TUSC3: variants seen among roughly 807,000 people sequenced by gnomAD.
TUSC3 encodes the protein tumor suppressor candidate 3.
A neutral mutation model predicts 44.8 loss-of-function variants in TUSC3; 45 were observed. That is an observed-to-expected ratio of 1.00 (90% CI 0.79 to 1.29). TUSC3 has a LOEUF of 1.29. TUSC3 is among the 50% of genes most tolerant of loss of function. The pLI is 0.00. For synonymous variants in TUSC3, 212 were observed against 152.9 expected, an observed-to-expected ratio of 1.39 and a Z score of -2.85; for missense variants, 519 against 437.9, an observed-to-expected ratio of 1.19 and a Z score of -1.65.
At chr8:15,783,640 A>G in the TUSC3 span, among the ~76,000 whole-genome samples, 4 of 152,202 alleles carry the variant, frequency 2.6e-5, no homozygotes, top group Admixed American at 2.0e-4. Flanking sequence ...CAATCTTTTT[A>G]ATAAATGGTG....
chr8:15,656,123 A>G (rs1807152249), intron 3 of TUSC3, among the ~76,000 whole-genome samples: 3 of 152,072 alleles, frequency 2.0e-5, no homozygotes, highest in Admixed American at 2.0e-4. Context: ...CATTCAAACA[A>G]TGAGTAAAAA....
At chr8:15,757,748 A>T (rs1457537433) in intron 9 of TUSC3, 43 bp from the exon 10 acceptor site, 1 of 1,473,038 alleles carries the variant, frequency 6.8e-7, no homozygotes, top group Non-Finnish European at 9.5e-7. Context: ...CTTAAGGATT[A>T]TTTTTTCCAT....
intron 1 of TUSC3, among the ~76,000 whole-genome samples, chr8:15,620,693 TC>T (rs762385794): frequency 8.5e-5 from 13 of 152,160 alleles, no homozygotes; most frequent in Non-Finnish European, 1.6e-4. Flanking sequence ...TAAGAACTAT[TC>T]CTCTGTGAGG....
chr8:15,777,644 C>T, the TUSC3 span, among the ~76,000 whole-genome samples: 1 of 152,052 alleles, frequency 6.6e-6, no homozygotes, highest in Non-Finnish European at 1.5e-5. Flanking sequence ...TTATTTCATC[C>T]TGACAACTTT....
intron 2 of TUSC3, among the ~76,000 whole-genome samples, chr8:15,504,049 C>CA (rs1021494991): frequency 6.7e-6 from 1 of 149,426 alleles, no homozygotes; most frequent in Non-Finnish European, 1.5e-5. Context: ...TAGAAAAGAA[C>CA]ACACCGTTTA....
At chr8:15,646,838 C>T (rs1806654428) in intron 2 of TUSC3, among the ~76,000 whole-genome samples, 1 of 152,230 alleles carries the variant, frequency 6.6e-6, no homozygotes, top group Non-Finnish European at 1.5e-5. Context: ...ACATTTTATA[C>T]AGTAAACTTA....
the TUSC3 span, among the ~76,000 whole-genome samples, chr8:15,812,052 G>T: frequency 2.6e-5 from 4 of 152,162 alleles, no homozygotes; most frequent in African/African-American, 4.8e-5. Context: ...TAGGACACAC[G>T]ATGCAAGACT....
At chr8:15,596,692 A>G (rs1804083866) in intron 1 of TUSC3, among the ~76,000 whole-genome samples, 1 of 152,122 alleles carries the variant, frequency 6.6e-6, no homozygotes, top group Admixed American at 6.6e-5. Context: ...TAATTGATTT[A>G]TAAAGAGGTG....
intron 9 of TUSC3, chr8:15,748,774 C>CGACTTCATTTGCAAGATT (rs1463044784): frequency 1.8e-6 from 1 of 544,134 alleles, no homozygotes; most frequent in Non-Finnish European, 3.6e-6. Context: ...GTCGTGATTT[C>CGACTTCATTTGCAAGATT]GACTTCATTT....
intron 1 of TUSC3, among the ~76,000 whole-genome samples, chr8:15,573,598 T>G (rs1001779347): frequency 3.3e-5 from 5 of 151,980 alleles, no homozygotes; most frequent in Non-Finnish European, 7.4e-5. Context: ...TGGTGGATGC[T>G]TTAACTCAGT....
In TUSC3 at chr8:15,623,208, G is replaced by A; in HGVS notation, c.267G>A (p.Met89Ile). Residue 89 changes from methionine to isoleucine, a missense_variant, in exon 2 of 11, where the codon ATG (methionine) becomes ATA (isoleucine). Physicochemically the swap from Met to Ile is conservative, Grantham distance 10. Transcript: ENST00000503731. ...CTCGAAACTATTCCATGATTGTTAT[G>A]TTCACTGCTCTTCAGCCTCAGCGGC... is the stretch of plus-strand genomic sequence containing the variant. The part of the protein sequence containing the change: ...APPRNYSMIV[M>I]FTALQPQRQC... The A allele has an allele frequency of 6.2e-7, 1 of 1,612,474 alleles. No individual in the cohort carries two copies. Among genetic ancestry groups the A allele is most frequent in the Non-Finnish European group, 8.5e-7 (1 of 1,179,234 alleles).
intron 2 of TUSC3, among the ~76,000 whole-genome samples, chr8:15,524,461 A>G (rs1346740731): frequency 6.6e-6 from 1 of 152,194 alleles, no homozygotes; most frequent in African/African-American, 2.4e-5. Context: ...ACATTTCCAT[A>G]AACTCAGAGG....
chr8:15,485,206 C>A (rs1312621204), intron 2 of TUSC3, among the ~76,000 whole-genome samples: 2 of 152,196 alleles, frequency 1.3e-5, no homozygotes, highest in African/African-American at 4.8e-5. Flanking sequence ...TCACCAAGTT[C>A]CTCTGGCTGC....
intron 9 of TUSC3, among the ~76,000 whole-genome samples, chr8:15,751,192 G>T (rs1439025571): frequency 6.6e-6 from 1 of 152,116 alleles, no homozygotes; most frequent in Non-Finnish European, 1.5e-5. Context: ...GGCAATCAGG[G>T]TATTTTAGGT....
At chr8:15,722,718 C>T (rs565861185) in intron 6 of TUSC3, among the ~76,000 whole-genome samples, 2 of 152,100 alleles carry the variant, frequency 1.3e-5, no homozygotes, top group South Asian at 4.2e-4. Flanking sequence ...GCTCTGGACT[C>T]CCACTGTTCC....
At chr8:15,448,117 A>ATATATATATATATCTTTATTTATT (rs1276079521) in intron 1 of TUSC3, among the ~76,000 whole-genome samples, 1 of 93,782 alleles carries the variant, frequency 1.1e-5, no homozygotes, top group African/African-American at 4.2e-5. Context: ...ACATATATAT[A>ATATATATATATATCTTTATTTATT]TATTTATTTA....
At chr8:15,556,454 C>T (rs1054934437) in intron 1 of TUSC3, among the ~76,000 whole-genome samples, 4 of 151,668 alleles carry the variant, frequency 2.6e-5, no homozygotes, top group East Asian at 3.9e-4. Flanking sequence ...AATAATGCCA[C>T]AGTAAACATA....
intron 1 of TUSC3, among the ~76,000 whole-genome samples, chr8:15,444,649 A>G (rs992609654): frequency 2.6e-5 from 4 of 152,204 alleles, no homozygotes; most frequent in Non-Finnish European, 5.9e-5. Context: ...ATCAGAGCCC[A>G]TTTTAGAAGA....
chr8:15,754,133 C>A (rs891734146), intron 9 of TUSC3, among the ~76,000 whole-genome samples: 9 of 151,936 alleles, frequency 5.9e-5, no homozygotes, highest in African/African-American at 1.9e-4. Context: ...CTGTAGAAAA[C>A]GAGAGAATGA....
Sources: gnomAD v4.1 joint callset for allele counts (sites outside exome capture counted in the v4.1 genomes callset) on GRCh38, gnomAD v4.1.1 for gene constraint, MANE v1.5 for transcripts, NCBI Gene and HGNC (gene_info 2026-07-23, HGNC 2026-07-21) for gene names.